The following FHIT variants were observed in gnomAD, a reference collection of about 807,000 sequenced individuals.
FHIT encodes fragile histidine triad diadenosine triphosphatase.
In FHIT, 19 loss-of-function variants were observed where a neutral mutation model predicts 17.9. The observed-to-expected ratio is 1.06, with a 90% CI of 0.74 to 1.56. The LOEUF (loss-of-function observed/expected upper bound fraction) is 1.56, where lower values mean the gene tolerates loss of function less well. Among genes scored for constraint, FHIT ranks in the 40% most tolerant of loss-of-function variants. The pLI is 0.00. For missense variants in FHIT, 248 were observed against 189.2 expected, an observed-to-expected ratio of 1.31 and a Z score of -1.82; for synonymous variants, 81 against 69.7, an observed-to-expected ratio of 1.16 and a Z score of -0.81.
At chr3:61,188,258 C>A in intron 2 of FHIT, among the ~76,000 whole-genome samples, 1 of 152,230 alleles carries the variant, frequency 6.6e-6, no homozygotes, top group East Asian at 1.9e-4. Context: ...ATATCACCAC[C>A]GATCCCACGG....
intron 5 of FHIT, among the ~76,000 whole-genome samples, chr3:60,153,313 C>G (rs1700545057): frequency 1.4e-5 from 2 of 145,568 alleles, no homozygotes; most frequent in African/African-American, 5.1e-5. Context: ...TGGCATAGTT[C>G]CTTAAGATAA....
chr3:61,196,492 A>G (rs772985551), intron 2 of FHIT, among the ~76,000 whole-genome samples: 5 of 152,236 alleles, frequency 3.3e-5, no homozygotes, highest in Non-Finnish European at 7.3e-5. Context: ...AAAGTGTACA[A>G]TAAAGACTTA....
intron 2 of FHIT, among the ~76,000 whole-genome samples, chr3:61,055,522 C>T (rs774556974): frequency 1.4e-4 from 21 of 152,192 alleles, no homozygotes; most frequent in Non-Finnish European, 1.8e-4. Context: ...GCTCCAACCA[C>T]GTGCTAGCCC....
At chr3:60,643,075 A>G (rs986045967) in intron 4 of FHIT, among the ~76,000 whole-genome samples, 1 of 152,170 alleles carries the variant, frequency 6.6e-6, no homozygotes, top group South Asian at 2.1e-4. Flanking sequence ...ATCTTTGAGT[A>G]CCATTGCATT....
At position 60,638,971 on chromosome 3, in the gene FHIT, C is replaced by T. The variant is rs1196752566; in HGVS notation, c.-17-101992G>A. ...AATAACTTCATACATCAGACTAATC[C>T]TCCTGCAGAAAGTAATTGTGATAGA... On this transcript the variant is annotated intron_variant, in intron 4 of 9. Coordinates refer to ENST00000492590, the MANE Select transcript of FHIT (RefSeq NM_002012.4). Among the ~76,000 whole-genome samples the T allele has an allele frequency of 2.0e-5, 3 of 149,044 alleles. No individual in the cohort carries two copies. The East Asian group carries it at 5.9e-4, about 29-fold the overall frequency.
chr3:59,914,432 T>C (rs1424000763), intron 8 of FHIT, among the ~76,000 whole-genome samples: 3 of 152,164 alleles, frequency 2.0e-5, no homozygotes, highest in Non-Finnish European at 4.4e-5. Context: ...TTGGAGGCCT[T>C]AGGATTCCTT....
Position 60,482,675 on chromosome 3 carries a change from C to T in FHIT, c.103+54185G>A, listed in dbSNP as rs149986741. ...TCAGAATCTCCGGGACACAGAGTGT[C>T]CCAGTGTTAAGAGGAAAATTTGTAG... On this transcript the variant is annotated intron_variant, in intron 5 of 9. Transcript: ENST00000492590. 1.3e-3 allele frequency among the ~76,000 whole-genome samples: 198 copies of T among 151,856 alleles called. 5 individuals carry two copies. In the East Asian group the frequency reaches 0.029, roughly 22 times the overall value.
intron 3 of FHIT, among the ~76,000 whole-genome samples, chr3:60,827,748 G>A (rs1305651421): frequency 1.3e-5 from 2 of 152,222 alleles, no homozygotes; most frequent in East Asian, 3.8e-4. Flanking sequence ...TGGGATGGGT[G>A]ATAAGAACAT....
At position 61,208,302 on chromosome 3, in the gene FHIT, G is replaced by A. The variant is rs189478838; in HGVS notation, c.-212-7637C>T. 6.3e-3 allele frequency among the ~76,000 whole-genome samples: 964 copies of A among 152,078 alleles called. 15 individuals carry two copies. Among genetic ancestry groups the A allele is most frequent in the African/African-American group, 0.018 (737 of 41,502 alleles). On this transcript the variant is annotated intron_variant, in intron 1 of 9. Coordinates refer to ENST00000492590, the MANE Select transcript of FHIT (RefSeq NM_002012.4). ...AAAATGTATATTCTGTTGATATGGG[G>A]TGGAGAGTTCTCTAGATGTCTATTA...
chr3:59,936,212 A>T (rs1386548228), intron 7 of FHIT, among the ~76,000 whole-genome samples: 1 of 152,180 alleles, frequency 6.6e-6, no homozygotes, highest in African/African-American at 2.4e-5. Flanking sequence ...ATATCTTCTG[A>T]TCTTTACAAA....
At chr3:59,866,563 G>C (rs981115549) in intron 8 of FHIT, among the ~76,000 whole-genome samples, 1 of 152,188 alleles carries the variant, frequency 6.6e-6, no homozygotes, top group Non-Finnish European at 1.5e-5. Context: ...TCAACAAGAA[G>C]ACTGTTACCT....
At chr3:60,996,231 G>A (rs1054867293) in intron 3 of FHIT, among the ~76,000 whole-genome samples, 1 of 152,192 alleles carries the variant, frequency 6.6e-6, no homozygotes, top group Admixed American at 6.5e-5. Context: ...GAGATGGTGG[G>A]AGGTAGATTG....
intron 1 of FHIT, among the ~76,000 whole-genome samples, chr3:61,214,222 GT>G (rs928819001): frequency 3.0e-4 from 45 of 151,810 alleles, no homozygotes; most frequent in African/African-American, 9.9e-4. Flanking sequence ...CCAGGAGCTG[GT>G]TTTTTGAAAG....
intron 5 of FHIT, among the ~76,000 whole-genome samples, chr3:60,451,219 A>C (rs2031721917): frequency 6.6e-6 from 1 of 152,050 alleles, no homozygotes; most frequent in Non-Finnish European, 1.5e-5. Context: ...TGAAGTCAAT[A>C]ACCAAGGTTC....
intron 5 of FHIT, among the ~76,000 whole-genome samples, chr3:60,293,554 C>T (rs1294268596): frequency 6.6e-6 from 1 of 152,038 alleles, no homozygotes; most frequent in Non-Finnish European, 1.5e-5. Context: ...TGAAGGTCAC[C>T]TAACTATATG....
At chr3:60,361,824 A>T (rs980852247) in intron 5 of FHIT, among the ~76,000 whole-genome samples, 1 of 152,174 alleles carries the variant, frequency 6.6e-6, no homozygotes, top group Admixed American at 6.5e-5. Flanking sequence ...AAGGAGGATA[A>T]ATCTTTTTGA....
Position 60,378,657 on chromosome 3 carries a change from A to G in FHIT, c.103+158203T>C, listed in dbSNP as rs536384986. ...ATTTAACATGTCAAACTAATATGAT[A>G]AAATTATTTTGCTACTATGGTAATT... On this transcript the variant is annotated intron_variant, in intron 5 of 9. Transcript: ENST00000492590. 4.6e-5 allele frequency among the ~76,000 whole-genome samples: 7 copies of G among 152,368 alleles called. No homozygotes were observed. In the South Asian group the frequency reaches 1.0e-3, roughly 23 times the overall value.
chr3:60,027,139 ACACACACAC>A lies in FHIT; in HGVS notation c.104-12996_104-12988del, dbSNP rs199815349. ...CACACACACACACACACACACACAC[ACACACACAC>A]AAAATTAGTAAACCCAATAATCCAC... On this transcript the variant is annotated intron_variant, in intron 5 of 9. Coordinates refer to ENST00000492590, the MANE Select transcript of FHIT (RefSeq NM_002012.4). Among the ~76,000 whole-genome samples the A allele has an allele frequency of 2.4e-4, 30 of 124,342 alleles. 2 individuals carry two copies. Among genetic ancestry groups the A allele is most frequent in the East Asian group, 1.6e-3 (7 of 4,428 alleles). 81.6% of individuals were successfully genotyped at this position (124,342 alleles called of 152,430 possible). A position where few individuals can be genotyped will look rare whatever the true frequency, so the allele number is the denominator to read the frequency against.
At chr3:60,652,091 T>G (rs1193761771) in intron 4 of FHIT, among the ~76,000 whole-genome samples, 6 of 152,146 alleles carry the variant, frequency 3.9e-5, no homozygotes, top group Non-Finnish European at 8.8e-5. Context: ...CCTGCCTGGT[T>G]ATTCCAGAAA....
Sources: gnomAD v4.1 joint callset for allele counts (sites outside exome capture counted in the v4.1 genomes callset) on GRCh38, gnomAD v4.1.1 for gene constraint, MANE v1.5 for transcripts, NCBI Gene and HGNC (gene_info 2026-07-23, HGNC 2026-07-21) for gene names.